MROH7: variants seen among roughly 807,000 people sequenced by gnomAD.
MROH7 encodes the protein maestro heat-like repeat-containing protein family member 7.
A neutral mutation model predicts 129.2 loss-of-function variants in MROH7; 113 were observed. The observed-to-expected ratio is 0.87, with a 90% CI of 0.75 to 1.02. The LOEUF (loss-of-function observed/expected upper bound fraction) is 1.02, where lower values mean the gene tolerates loss of function less well. MROH7 is among the 50% of genes least tolerant of loss of function. The pLI, the probability that MROH7 is intolerant of heterozygous loss-of-function variation, is 0.00. For missense variants in MROH7, 1,601 were observed against 1,671.3 expected (o/e 0.96, Z 0.73); for synonymous variants, 655 against 667.9 (o/e 0.98, Z 0.30).
Position 54,700,677 on chromosome 1 carries a change from TC to T in MROH7, c.3105+217del, listed in dbSNP as rs1345713585. Among the ~76,000 whole-genome samples the T allele has an allele frequency of 9.8e-5, 15 of 152,390 alleles. No homozygotes were observed. The East Asian group carries it at 2.5e-3, about 25-fold the overall frequency. On this transcript the variant is annotated intron_variant, in intron 18 of 23. Coordinates refer to ENST00000421030, the MANE Select transcript of MROH7 (RefSeq NM_001039464.4). ...TCTAATCTAGGTTTTTCACAATGAT[TC>T]TAAAGGCAGTGTGTATAGGAAGGGC...
chr1:54,653,190 T>A lies in MROH7; in HGVS notation c.264T>A (p.Ala88=), dbSNP rs1175562085. The A allele has an allele frequency of 1.9e-6, 3 of 1,614,092 alleles. No individual in the cohort carries two copies. In the East Asian group the frequency reaches 6.7e-5, roughly 36 times the overall value. ...CCCCCAGACCTGATGACAGCAGAGC[T>A]ATCGCTCCAGCCTCCCTCCAGATCA... ...ENTPRPDDSR[A]IAPASLQITS... is the part of the protein sequence containing the mutation. Residue 88 remains alanine (A), a synonymous_variant, in exon 3 of 24, where the codon GCT becomes GCA. Coordinates refer to ENST00000421030, the MANE Select transcript of MROH7 (RefSeq NM_001039464.4).
chr1:54,687,496 G>A (rs967732473), intron 15 of MROH7, among the ~76,000 whole-genome samples: 1 of 152,250 alleles, frequency 6.6e-6, no homozygotes, highest in African/African-American at 2.4e-5. Context: ...GCAGTTACAA[G>A]GCTGCAGTGA....
intron 2 of MROH7, among the ~76,000 whole-genome samples, 162 bp from the exon 3 acceptor site, chr1:54,652,691 T>C (rs2101065251): frequency 6.6e-6 from 1 of 152,236 alleles, no homozygotes; most frequent in Non-Finnish European, 1.5e-5. Context: ...ACTGAGAGAC[T>C]GTGGAGGCAA....
At chr1:54,699,926 C>G (rs989377354) in intron 17 of MROH7, 37 of 587,498 alleles carry the variant, frequency 6.3e-5, no homozygotes, top group African/African-American at 6.2e-4. Flanking sequence ...TGGAGGTGGG[C>G]ATCCCAGGAG....
At chr1:54,655,055 C>T (rs545107068) in intron 3 of MROH7, among the ~76,000 whole-genome samples, 1 of 149,496 alleles carries the variant, frequency 6.7e-6, no homozygotes, top group African/African-American at 2.5e-5. Flanking sequence ...CATTCTGCAG[C>T]CCAGGCTGGA....
intron 3 of MROH7, among the ~76,000 whole-genome samples, chr1:54,664,242 A>G (rs773235172): frequency 6.6e-6 from 1 of 152,222 alleles, no homozygotes; most frequent in Non-Finnish European, 1.5e-5. Flanking sequence ...TCACCAAAAG[A>G]AAGTGAAGAG....
At chr1:54,698,367 T>A (rs1181378352) in intron 17 of MROH7, 1 of 152,470 alleles carries the variant, frequency 6.6e-6, no homozygotes, top group Non-Finnish European at 1.5e-5. Context: ...TTCTCATGAC[T>A]CTTTTCCGTG....
intron 12 of MROH7, among the ~76,000 whole-genome samples, 190 bp downstream of exon 12, chr1:54,679,629 AC>A: frequency 6.6e-6 from 1 of 152,176 alleles, no homozygotes; most frequent in Non-Finnish European, 1.5e-5. Context: ...TTCTCTTACC[AC>A]CCCTGAAGGA....
Position 54,682,749 on chromosome 1 carries a change from G to T in MROH7, c.2475G>T (p.Glu825Asp). 6.2e-7 allele frequency: 1 copy of T among 1,614,086 alleles called. No homozygotes were observed. Among genetic ancestry groups the T allele is most frequent in the Non-Finnish European group, 8.5e-7 (1 of 1,180,030 alleles). The change falls in exon 14 of 24, where the codon GAG (glutamate) becomes GAT (aspartate). Residue 825 changes from glutamate (E) to aspartate (D), a missense_variant. Glu to Asp is a conservative substitution (Grantham distance 45). Transcript: ENST00000421030. ...LLDLLLGSLKEKPVTKEGRAS... is the reference protein window; with the variant it reads ...LLDLLLGSLKDKPVTKEGRAS... Reference sequence around the variant, plus strand: ...ATCTGCTCCTGGGCAGCCTGAAGGAGAAGCCCGTCACCAAGGAGGGCCGGG... The same window carrying T: ...ATCTGCTCCTGGGCAGCCTGAAGGATAAGCCCGTCACCAAGGAGGGCCGGG...
chr1:54,702,035 G>T, intron 19 of MROH7, 55 bp from the exon 20 acceptor site: 1 of 1,440,170 alleles, frequency 6.9e-7, no homozygotes. Context: ...TGAATCAGCC[G>T]CAGTGAGTGG....
chr1:54,653,888 T>C lies in MROH7; in HGVS notation c.962T>C (p.Ile321Thr). The part of the protein sequence containing the change: ...HSSTHEPNST[I>T]SPPSCMTLIL... ...AGCACCCATGAGCCCAACTCCACCATCTCTCCACCCTCATGCATGACTCTA... is the reference window on the plus strand; with the variant it reads ...AGCACCCATGAGCCCAACTCCACCACCTCTCCACCCTCATGCATGACTCTA... The change falls in exon 3 of 24, where the codon ATC (isoleucine) becomes ACC (threonine). Residue 321 changes from isoleucine (I) to threonine (T), a missense_variant. Physicochemically the swap from Ile to Thr is moderately conservative, Grantham distance 89. Coordinates refer to ENST00000421030, the MANE Select transcript of MROH7 (RefSeq NM_001039464.4). 2 of 1,613,752 alleles carry C rather than the reference T, an allele frequency of 1.2e-6. No homozygotes were observed. The highest frequency in any genetic ancestry group is 1.7e-6 in the Non-Finnish European group (2 of 1,179,810).
chr1:54,673,864 A>G, intron 9 of MROH7, 59 bp downstream of exon 9: 1 of 1,539,940 alleles, frequency 6.5e-7, no homozygotes, highest in Non-Finnish European at 9.0e-7. Flanking sequence ...CTTCTGAAGG[A>G]GCCCGTACCT....
At chr1:54,680,224 G>A (rs17396131) in intron 13 of MROH7, among the ~76,000 whole-genome samples, 179 bp downstream of exon 13, 40,784 of 151,996 alleles carry the variant, frequency 0.27, 6,111 homozygotes, top group Middle Eastern at 0.41. Flanking sequence ...TGCTGTCAGC[G>A]CCGAGCATTA....
At chr1:54,693,422 CTGAAAAAAAGTACTT>C (rs1173638068) in intron 16 of MROH7, among the ~76,000 whole-genome samples, 2 of 152,000 alleles carry the variant, frequency 1.3e-5, no homozygotes, top group Non-Finnish European at 2.9e-5. Flanking sequence ...GTACTCCAGC[CTGAAAAAAAGTACTT>C]TGAATAGCCC....
intron 5 of MROH7, 72 bp from the exon 6 acceptor site, chr1:54,670,425 C>A: frequency 7.4e-7 from 1 of 1,349,124 alleles, no homozygotes; most frequent in Admixed American, 1.9e-5. Flanking sequence ...CTCCTTGTGA[C>A]GGGGGCAGCC....
At chr1:54,666,535 C>T (rs891778334) in intron 4 of MROH7, among the ~76,000 whole-genome samples, 6 of 148,192 alleles carry the variant, frequency 4.0e-5, no homozygotes, top group African/African-American at 7.5e-5. Flanking sequence ...CCCAGGCTTA[C>T]GCAATCCTCC....
At chr1:54,670,396 T>A in intron 5 of MROH7, 101 bp from the exon 6 acceptor site, 1 of 943,216 alleles carries the variant, frequency 1.1e-6, no homozygotes, top group Non-Finnish European at 1.6e-6. Flanking sequence ...CTTGAGGGTA[T>A]GCTGGCTGCT....
chr1:54,697,019 A>G (rs967160057), intron 17 of MROH7, among the ~76,000 whole-genome samples: 1 of 152,136 alleles, frequency 6.6e-6, no homozygotes, highest in Non-Finnish European at 1.5e-5. Flanking sequence ...TTGCATGTAC[A>G]TACCACATTT....
chr1:54,674,424 C>G (rs1045247827), intron 10 of MROH7, among the ~76,000 whole-genome samples: 1 of 152,040 alleles, frequency 6.6e-6, no homozygotes, highest in African/African-American at 2.4e-5. Flanking sequence ...TTTCATAGTC[C>G]CTTAATACTA....
Sources: allele counts gnomAD v4.1 joint callset (sites outside exome capture counted in the v4.1 genomes callset), GRCh38; gene constraint gnomAD v4.1.1; transcripts MANE v1.5; gene names NCBI Gene and HGNC (gene_info 2026-07-23, HGNC 2026-07-21).